Variants in DAOA observed in about 807,000 individuals in gnomAD.
The protein encoded by DAOA is D-amino acid oxidase activator, also known as D-amino acid oxidase regulator.
Under a neutral mutation model 16.4 loss-of-function variants are expected in DAOA, and 15 were observed. The ratio of observed to expected loss-of-function variants is 0.91; its 90% confidence interval spans 0.61 to 1.41. The LOEUF (loss-of-function observed/expected upper bound fraction) is 1.41. Ranked by LOEUF, DAOA falls within the 40% of genes most tolerant of loss-of-function variation. DAOA has a pLI of 0.00. For synonymous variants in DAOA, 75 were observed against 59.1 expected (o/e 1.27, Z -1.23); for missense variants, 230 against 176.8 (o/e 1.30, Z -1.71).
chr13:105,466,977 G>C (rs958753246), intron 2 of DAOA, 76 bp from the exon 3 acceptor site: 1 of 1,515,280 alleles, frequency 6.6e-7, no homozygotes, highest in African/African-American at 1.4e-5. Flanking sequence ...ATGCTCCATT[G>C]ATGTTGCTTA....
chr13:105,469,931 T>C (rs1161153852), intron 3 of DAOA, among the ~76,000 whole-genome samples: 1 of 152,208 alleles, frequency 6.6e-6, no homozygotes, highest in African/African-American at 2.4e-5. Flanking sequence ...ATGTCTTTTT[T>C]TATTCCATAT....
At chr13:105,480,447 T>C (rs145680388) in intron 4 of DAOA, among the ~76,000 whole-genome samples, 1 of 151,970 alleles carries the variant, frequency 6.6e-6, no homozygotes, top group Non-Finnish European at 1.5e-5. Context: ...GGCATCTGTA[T>C]TAGGGTTCTC....
intron 4 of DAOA, among the ~76,000 whole-genome samples, chr13:105,480,564 A>ATAGT (rs1877663762): frequency 6.7e-6 from 1 of 148,816 alleles, no homozygotes. Flanking sequence ...AGATAGATAG[A>ATAGT]TAGATAGCAT....
chr13:105,489,894 C>T lies in DAOA; in HGVS notation c.282-7C>T. ...ACCTGGCCAACTGAGACCGGATCTC[C>T]TTACAGGCTTGAAGAAGTAAGCAGC... On this transcript the variant is annotated splice_polypyrimidine_tract_variant and splice_region_variant and intron_variant, in intron 4 of 5. Coordinates refer to ENST00000375936, the MANE Select transcript of DAOA (RefSeq NM_172370.5). 6.2e-7 allele frequency: 1 copy of T among 1,613,838 alleles called. No individual in the cohort carries two copies. Among genetic ancestry groups the T allele is most frequent in the South Asian group, 1.1e-5 (1 of 91,070 alleles).
chr13:105,475,934 T>C (rs955482082), intron 4 of DAOA, among the ~76,000 whole-genome samples: 3 of 152,076 alleles, frequency 2.0e-5, no homozygotes, highest in African/African-American at 7.2e-5. Context: ...GTGTTTTGCA[T>C]AAAGAAAAAC....
intron 4 of DAOA, among the ~76,000 whole-genome samples, chr13:105,478,740 T>C (rs1414196662): frequency 6.6e-6 from 1 of 152,208 alleles, no homozygotes; most frequent in Non-Finnish European, 1.5e-5. Context: ...TGGCGGAGAC[T>C]CTGATTTGTC....
chr13:105,486,621 C>CTT (rs1491555197), intron 4 of DAOA, among the ~76,000 whole-genome samples: 1 of 138,050 alleles, frequency 7.2e-6, no homozygotes, highest in African/African-American at 2.6e-5. Context: ...TTCTTTCTTT[C>CTT]TTTTTTTTTC....
At chr13:105,482,315 C>T (rs1240476958) in intron 4 of DAOA, among the ~76,000 whole-genome samples, 3 of 152,028 alleles carry the variant, frequency 2.0e-5, no homozygotes, top group Admixed American at 1.3e-4. Context: ...TTTCATTAGT[C>T]CATAATGTTA....
At chr13:105,474,332 T>C (rs1877194744) in intron 4 of DAOA, among the ~76,000 whole-genome samples, 1 of 152,006 alleles carries the variant, frequency 6.6e-6, no homozygotes, top group African/African-American at 2.4e-5. Context: ...CTCAAAACAC[T>C]GCTTATTACT....
intron 3 of DAOA, among the ~76,000 whole-genome samples, chr13:105,468,528 A>T (rs1245088483): frequency 6.6e-6 from 1 of 152,238 alleles, no homozygotes; most frequent in African/African-American, 2.4e-5. Flanking sequence ...ATTAAAGAGG[A>T]TAATTATATT....
In DAOA at chr13:105,472,479, A is replaced by G. The variant is rs369349245; in HGVS notation, c.134-59A>G. ...CTCCACAGTCATTAAACCAACATGTATGTTAAAAGATGTGATAGAGTTAAT... is the reference window on the plus strand; with the variant it reads ...CTCCACAGTCATTAAACCAACATGTGTGTTAAAAGATGTGATAGAGTTAAT... On this transcript the variant is annotated intron_variant, in intron 3 of 5. Coordinates refer to ENST00000375936, the MANE Select transcript of DAOA (RefSeq NM_172370.5). 13 of 1,538,894 alleles carry G rather than the reference A, an allele frequency of 8.4e-6. No individual in the cohort carries two copies. In the African/African-American group the frequency reaches 9.8e-5, roughly 12 times the overall value.
At position 105,487,759 on chromosome 13, in the gene DAOA, C is replaced by T. The variant is rs193006662; in HGVS notation, c.282-2142C>T. Among the ~76,000 whole-genome samples the T allele has an allele frequency of 6.5e-4, 99 of 152,194 alleles. 1 individual carries two copies. Among genetic ancestry groups the T allele is most frequent in the African/African-American group, 2.3e-3 (96 of 41,550 alleles). On this transcript the variant is annotated intron_variant, in intron 4 of 5. Coordinates refer to ENST00000375936, the MANE Select transcript of DAOA (RefSeq NM_172370.5). ...CAAAATAGTGAATTCCAAATGCCTT[C>T]TTTTGTTTGGGCTAAACATAAAATA...
At chr13:105,489,155 A>G (rs1182868947) in intron 4 of DAOA, among the ~76,000 whole-genome samples, 1 of 152,184 alleles carries the variant, frequency 6.6e-6, no homozygotes, top group African/African-American at 2.4e-5. Flanking sequence ...GTAACATCTG[A>G]GCTGGCTTTT....
chr13:105,483,372 A>G (rs1326127035), intron 4 of DAOA, among the ~76,000 whole-genome samples: 1 of 152,170 alleles, frequency 6.6e-6, no homozygotes, highest in Non-Finnish European at 1.5e-5. Context: ...ACCTAGATCA[A>G]TTGAATAGAT....
chr13:105,487,258 T>C (rs952584708), intron 4 of DAOA, among the ~76,000 whole-genome samples: 1 of 152,172 alleles, frequency 6.6e-6, no homozygotes. Context: ...CCCCATTGAC[T>C]CCTCATGGTG....
chr13:105,472,904 T>C (rs1011433445), intron 4 of DAOA, among the ~76,000 whole-genome samples: 1 of 152,206 alleles, frequency 6.6e-6, no homozygotes, highest in Non-Finnish European at 1.5e-5. Context: ...GCAGTAGTTT[T>C]TCTTGAATTT....
chr13:105,486,364 T>C (rs1015076790), intron 4 of DAOA, among the ~76,000 whole-genome samples: 1 of 152,122 alleles, frequency 6.6e-6, no homozygotes, highest in Non-Finnish European at 1.5e-5. Flanking sequence ...TTCATTTGGT[T>C]AACATCTGTA....
At chr13:105,488,982 A>T (rs759590375) in intron 4 of DAOA, among the ~76,000 whole-genome samples, 1 of 152,182 alleles carries the variant, frequency 6.6e-6, no homozygotes, top group African/African-American at 2.4e-5. Context: ...GACACACAAC[A>T]CAGTCATGCT....
chr13:105,478,578 G>T, intron 4 of DAOA, among the ~76,000 whole-genome samples: 1 of 152,170 alleles, frequency 6.6e-6, no homozygotes, highest in Non-Finnish European at 1.5e-5. Context: ...GGAAAAGGGA[G>T]TCTCCAGTTG....
Sources: gnomAD v4.1 joint callset for allele counts (sites outside exome capture counted in the v4.1 genomes callset) on GRCh38, gnomAD v4.1.1 for gene constraint, MANE v1.5 for transcripts, NCBI Gene and HGNC (gene_info 2026-07-23, HGNC 2026-07-21) for gene names.